MAN2A1: variants seen among roughly 807,000 people sequenced by gnomAD.
MAN2A1 encodes the protein alpha-mannosidase 2.
Under a neutral mutation model 142.6 loss-of-function variants are expected in MAN2A1, and 76 were observed. The ratio of observed to expected loss-of-function variants is 0.53; its 90% CI spans 0.44 to 0.65. MAN2A1 has a LOEUF of 0.65. MAN2A1 is among the 30% of genes least tolerant of loss of function. MAN2A1 has a pLI of 0.00. For missense variants in MAN2A1, 1,311 were observed against 1,365.1 expected (o/e 0.96, Z 0.62); for synonymous variants, 559 against 473.2 (o/e 1.18, Z -2.35).
intron 20 of MAN2A1, among the ~76,000 whole-genome samples, chr5:109,856,402 C>T (rs1314886136): frequency 6.6e-6 from 1 of 152,078 alleles, no homozygotes; most frequent in Non-Finnish European, 1.5e-5. Context: ...GAAGAAAGCA[C>T]CTTCAGGCTT....
chr5:109,697,568 T>C (rs975984169), intron 1 of MAN2A1, among the ~76,000 whole-genome samples: 1 of 152,194 alleles, frequency 6.6e-6, no homozygotes, highest in Non-Finnish European at 1.5e-5. Context: ...TTTTTACATT[T>C]TTAAGTGGTT....
intron 3 of MAN2A1, among the ~76,000 whole-genome samples, chr5:109,722,662 C>T (rs886671002): frequency 2.6e-5 from 4 of 152,060 alleles, no homozygotes; most frequent in Admixed American, 1.3e-4. Flanking sequence ...GTGATCCGTC[C>T]GCCTTGGCCT....
chr5:109,798,670 G>GTTGGT lies in MAN2A1; in HGVS notation c.1943+9145_1943+9146insGGTTT, dbSNP rs1554079745. Among the ~76,000 whole-genome samples the GTTGGT allele has an allele frequency of 1.2e-4, 18 of 151,858 alleles. 1 individual carries two copies. Among genetic ancestry groups the GTTGGT allele is most frequent in the Admixed American group, 1.2e-3 (18 of 15,232 alleles). On this transcript the variant is annotated intron_variant, in intron 12 of 21. Transcript: ENST00000261483. ...GACCTTTTCATTCTGTGTTTTGTTT[G>GTTGGT]TTTGTTTTGTTTTGTTTTGTTTTGT...
chr5:109,752,960 A>C (rs1267668060), intron 4 of MAN2A1, among the ~76,000 whole-genome samples: 1 of 152,186 alleles, frequency 6.6e-6, no homozygotes, highest in Non-Finnish European at 1.5e-5. Flanking sequence ...GACAGGAATT[A>C]TGTTGTAAAT....
intron 1 of MAN2A1, among the ~76,000 whole-genome samples, chr5:109,707,672 A>G (rs1751173401): frequency 6.6e-6 from 1 of 152,186 alleles, no homozygotes; most frequent in South Asian, 2.1e-4. Flanking sequence ...GAGTTGAAGC[A>G]TTATGTAAAC....
chr5:109,709,685 A>T (rs1319091844), intron 1 of MAN2A1, among the ~76,000 whole-genome samples: 2 of 152,174 alleles, frequency 1.3e-5, no homozygotes, highest in Non-Finnish European at 2.9e-5. Context: ...TGTTCTCTCA[A>T]AGGTATTTGA....
At chr5:109,828,875 A>G (rs1284412157) in intron 16 of MAN2A1, among the ~76,000 whole-genome samples, 2 of 152,194 alleles carry the variant, frequency 1.3e-5, no homozygotes, top group Non-Finnish European at 2.9e-5. Context: ...ATTTTCTTGC[A>G]TATTTAGCAA....
chr5:109,851,405 G>A (rs1465803862), intron 19 of MAN2A1, among the ~76,000 whole-genome samples: 1 of 152,172 alleles, frequency 6.6e-6, no homozygotes, highest in Non-Finnish European at 1.5e-5. Context: ...TGGGACCTTT[G>A]GGAGGCTTTT....
At chr5:109,761,188 A>C (rs1317885670) in intron 5 of MAN2A1, among the ~76,000 whole-genome samples, 1 of 151,152 alleles carries the variant, frequency 6.6e-6, no homozygotes, top group Non-Finnish European at 1.5e-5. Flanking sequence ...TCATAAAATG[A>C]AAATTATCTT....
intron 4 of MAN2A1, among the ~76,000 whole-genome samples, chr5:109,753,264 C>T (rs907043178): frequency 1.3e-5 from 2 of 152,180 alleles, no homozygotes; most frequent in Non-Finnish European, 2.9e-5. Flanking sequence ...AGCCTCTAGA[C>T]TGTGGCTAAA....
intron 3 of MAN2A1, among the ~76,000 whole-genome samples, chr5:109,720,278 C>CT (rs1178007010): frequency 6.6e-6 from 1 of 152,120 alleles, no homozygotes; most frequent in Non-Finnish European, 1.5e-5. Context: ...GTAGGAAGAC[C>CT]TAGGCCCAAG....
In MAN2A1 at chr5:109,770,540, A is replaced by G. The variant is rs780166453; in HGVS notation, c.1195A>G (p.Arg399Gly). The G allele has an allele frequency of 6.2e-7, 1 of 1,612,136 alleles. No individual in the cohort carries two copies. Among genetic ancestry groups the G allele is most frequent in the South Asian group, 1.1e-5 (1 of 90,834 alleles). ...AATACATCCTGGAAATGTCCAAAGCAGGTATGAAAATGCGTATTTCATAAG... is the reference window on the plus strand; with the variant it reads ...AATACATCCTGGAAATGTCCAAAGCGGGTATGAAAATGCGTATTTCATAAG... ...ETIHPGNVQSRARMLLDQYRK... is the reference protein window; with the variant it reads ...ETIHPGNVQSGARMLLDQYRK... The change falls in exon 7 of 22, where the codon AGG becomes GGG. Residue 399 changes from arginine to glycine, a missense_variant and splice_region_variant. Physicochemically the swap from Arg to Gly is moderately radical, Grantham distance 125 (BLOSUM62 -2). Transcript: ENST00000261483.
chr5:109,825,397 G>A (rs1231221631), intron 16 of MAN2A1, among the ~76,000 whole-genome samples: 4 of 152,090 alleles, frequency 2.6e-5, no homozygotes, highest in African/African-American at 9.7e-5. Context: ...TTTAGAGATG[G>A]GCTATGTCTC....
Position 109,755,389 on chromosome 5 carries a change from T to C in MAN2A1, c.768T>C (p.Ala256=), listed in dbSNP as rs1158193526. 1 of 1,611,308 alleles carries C rather than the reference T, an allele frequency of 6.2e-7. No homozygotes were observed. Among genetic ancestry groups the C allele is most frequent in the Admixed American group, 1.7e-5 (1 of 60,022 alleles). Residue 256 remains alanine (A), a synonymous_variant, in exon 5 of 22, where the codon GCT becomes GCC. Coordinates refer to ENST00000261483, the MANE Select transcript of MAN2A1 (RefSeq NM_002372.4). Reference sequence around the variant, plus strand: ...GTGGCTGGGTTATGCCTGATGAAGCTACTCCACATTATTTTGCCTTAATTG... The same window carrying C: ...GTGGCTGGGTTATGCCTGATGAAGCCACTCCACATTATTTTGCCTTAATTG... ...VTGGWVMPDE[A]TPHYFALIDQ...
At chr5:109,693,454 A>T (rs528854240) in intron 1 of MAN2A1, among the ~76,000 whole-genome samples, 2 of 151,782 alleles carry the variant, frequency 1.3e-5, no homozygotes, top group Non-Finnish European at 2.9e-5. Flanking sequence ...TTAGATAGGT[A>T]TTGGGTTCCT....
chr5:109,714,411 A>C (rs1751396953), intron 2 of MAN2A1, among the ~76,000 whole-genome samples: 1 of 152,192 alleles, frequency 6.6e-6, no homozygotes, highest in Non-Finnish European at 1.5e-5. Context: ...TATTTTGGAT[A>C]TACTGGATTA....
chr5:109,705,019 A>G (rs1751090928), intron 1 of MAN2A1, among the ~76,000 whole-genome samples: 1 of 152,114 alleles, frequency 6.6e-6, no homozygotes, highest in South Asian at 2.1e-4. Flanking sequence ...ATAGTTTCAG[A>G]ATATAACATT....
At chr5:109,787,838 C>T (rs1288385936) in intron 10 of MAN2A1, among the ~76,000 whole-genome samples, 1 of 151,818 alleles carries the variant, frequency 6.6e-6, no homozygotes, top group African/African-American at 2.4e-5. Flanking sequence ...ACACTTAATG[C>T]TGTCTAGGAA....
chr5:109,860,389 T>G (rs1414158586), intron 20 of MAN2A1, among the ~76,000 whole-genome samples: 3 of 152,194 alleles, frequency 2.0e-5, no homozygotes, highest in Admixed American at 1.3e-4. Context: ...TTTCTAACCT[T>G]TCCAGCTGCC....
Sources: gnomAD v4.1 joint callset for allele counts (sites outside exome capture counted in the v4.1 genomes callset) on GRCh38, gnomAD v4.1.1 for gene constraint, MANE v1.5 for transcripts, NCBI Gene and HGNC (gene_info 2026-07-23, HGNC 2026-07-21) for gene names.